UVSSA: variants seen among roughly 807,000 people sequenced by gnomAD.
The protein encoded by UVSSA is UV-stimulated scaffold protein A.
A neutral mutation model predicts 73.9 loss-of-function variants in UVSSA; 72 were observed. The observed-to-expected ratio is 0.97, with a 90% confidence interval of 0.81 to 1.19. The LOEUF is 1.19. Ranked by LOEUF, UVSSA falls within the 50% of genes most tolerant of loss-of-function variation. The pLI, the probability that UVSSA is intolerant of heterozygous loss-of-function variation, is 0.00. For synonymous variants in UVSSA, 454 were observed against 391.3 expected (o/e 1.16, Z -1.89); for missense variants, 1,150 against 965.0 (o/e 1.19, Z -2.54).
chr4:1,372,848 C>T lies in UVSSA; in HGVS notation c.1289-2516C>T, dbSNP rs77553344. 1.7e-4 allele frequency among the ~76,000 whole-genome samples: 9 copies of T among 54,144 alleles called. 1 individual carries two copies. In the South Asian group the frequency reaches 2.1e-3, roughly 12 times the overall value. 35.5% of individuals were successfully genotyped at this position (54,144 alleles called of 152,430 possible). On this transcript the variant is annotated intron_variant, in intron 8 of 13. Coordinates refer to ENST00000389851, the MANE Select transcript of UVSSA (RefSeq NM_020894.4). Reference sequence around the variant, plus strand: ...CACCTCCCGCGTCTCAGGGCACTCACCTCCCGCGTCCCTGCACTCACCTCC... The same window carrying T: ...CACCTCCCGCGTCTCAGGGCACTCATCTCCCGCGTCCCTGCACTCACCTCC...
rs759157977 is a variant in UVSSA at position 1,375,412 on chromosome 4, C to A, written c.1337C>A (p.Thr446Lys). 2.5e-6 allele frequency: 4 copies of A among 1,613,512 alleles called. No individual in the cohort carries two copies. The highest frequency in any genetic ancestry group is 1.7e-5 in the Admixed American group (1 of 60,024). Residue 446 changes from threonine (T) to lysine (K), a missense_variant, in exon 9 of 14, where the codon ACG (threonine) becomes AAG (lysine). Physicochemically the swap from Thr to Lys is moderately conservative, Grantham distance 78. Transcript: ENST00000389851. ...GACACAGTTGTGCGGTGCTTGCGGACGAGGACGAGGATGGACGAGGAGGTG... is the reference window on the plus strand; with the variant it reads ...GACACAGTTGTGCGGTGCTTGCGGAAGAGGACGAGGATGGACGAGGAGGTG... ...EKDTVVRCLR[T>K]RTRMDEEVSD...
At chr4:1,365,673 T>C (rs745391810) in intron 7 of UVSSA, among the ~76,000 whole-genome samples, 1 of 152,242 alleles carries the variant, frequency 6.6e-6, no homozygotes. Flanking sequence ...CCAGAAGTAC[T>C]TGTCCCTTTC....
intron 11 of UVSSA, 38 bp from the exon 12 acceptor site, chr4:1,380,842 C>T (rs768278099): frequency 1.2e-6 from 2 of 1,600,662 alleles, no homozygotes; most frequent in Non-Finnish European, 1.7e-6. Context: ...GCAAGCGGAC[C>T]CCTCCCCGCC....
chr4:1,383,748 CTTGAGTTTTGT>C lies in UVSSA; in HGVS notation c.1862-14_1862-4del. 6.2e-7 allele frequency: 1 copy of C among 1,612,656 alleles called. No homozygotes were observed. Among genetic ancestry groups the C allele is most frequent in the Non-Finnish European group, 8.5e-7 (1 of 1,179,944 alleles). Reference sequence around the variant, plus strand: ...TCAGTGCCAGACGTCTCCTGAAGTGCTTGAGTTTTGTTTGCAGAATGGCAGGACCCTGAGTT... The same window carrying C: ...TCAGTGCCAGACGTCTCCTGAAGTGCTTGCAGAATGGCAGGACCCTGAGTT... On this transcript the variant is annotated splice_region_variant and splice_polypyrimidine_tract_variant and intron_variant, in intron 12 of 13. Coordinates refer to ENST00000389851, the MANE Select transcript of UVSSA (RefSeq NM_020894.4).
intron 10 of UVSSA, among the ~76,000 whole-genome samples, chr4:1,379,799 C>CTTTTGCCTGG (rs1560481645): frequency 1.8e-4 from 7 of 38,118 alleles, no homozygotes; most frequent in South Asian, 7.5e-4. Context: ...TGCCCGTGGT[C>CTTTTGCCTGG]GCGCGGCTGG....
At chr4:1,353,697 G>A (rs1002068916) in intron 5 of UVSSA, among the ~76,000 whole-genome samples, 1 of 152,226 alleles carries the variant, frequency 6.6e-6, no homozygotes, top group Non-Finnish European at 1.5e-5. Context: ...TTGGGGTGAG[G>A]TGGGGTCGTG....
At chr4:1,381,120 G>A (rs543998878) in intron 12 of UVSSA, 132 bp downstream of exon 12, 776 of 837,976 alleles carry the variant, frequency 9.3e-4, no homozygotes, top group Non-Finnish European at 1.2e-3. Flanking sequence ...CAAGCCTCTC[G>A]GTCATAACTG....
chr4:1,390,910 G>A (rs968484375), downstream of UVSSA: 1 of 152,218 alleles, frequency 6.6e-6, no homozygotes, highest in Admixed American at 6.6e-5. Flanking sequence ...ATAGATGCCT[G>A]TTGGGTCTGA....
At chr4:1,376,763 A>G (rs1462554713) in intron 10 of UVSSA, among the ~76,000 whole-genome samples, 5 of 152,218 alleles carry the variant, frequency 3.3e-5, no homozygotes, top group African/African-American at 1.2e-4. Context: ...CGCCTGCCAC[A>G]GCTCGCTGGC....
intron 7 of UVSSA, among the ~76,000 whole-genome samples, chr4:1,357,703 T>C (rs1028880797): frequency 1.9e-5 from 2 of 106,734 alleles, no homozygotes; most frequent in Admixed American, 8.9e-5. Context: ...TCTTCATGAG[T>C]GTTCAGCTCA....
chr4:1,387,347 A>G lies in UVSSA; in HGVS notation c.*1386A>G, dbSNP rs995069905. ...CACCTCGGCCTCCCATAGTGCTGGG[A>G]TTACAGGTGTGAGCCACCGCACTCA... On this transcript the variant is annotated 3_prime_UTR_variant, in exon 14 of 14. Coordinates refer to ENST00000389851, the MANE Select transcript of UVSSA (RefSeq NM_020894.4). 1 of 152,174 alleles carries G rather than the reference A, an allele frequency of 6.6e-6. No individual in the cohort carries two copies. Among genetic ancestry groups the G allele is most frequent in the Non-Finnish European group, 1.5e-5 (1 of 68,050 alleles). 9.4% of individuals were successfully genotyped at this position (152,174 alleles called of 1,614,324 possible). A position where few individuals can be genotyped will look rare whatever the true frequency, so the allele number is the denominator to read the frequency against.
chr4:1,366,736 C>G (rs1483144174), intron 8 of UVSSA, among the ~76,000 whole-genome samples: 1 of 152,194 alleles, frequency 6.6e-6, no homozygotes, highest in African/African-American at 2.4e-5. Context: ...CAGGCAGGCC[C>G]TCAGGTGCCC....
chr4:1,371,335 C>G (rs1718012379), intron 8 of UVSSA, among the ~76,000 whole-genome samples: 1 of 151,616 alleles, frequency 6.6e-6, no homozygotes, highest in Admixed American at 6.6e-5. Flanking sequence ...TCTGAGCTCT[C>G]TGGTGGCCTC....
chr4:1,344,448 G>A (rs1193032393), upstream of UVSSA, among the ~76,000 whole-genome samples: 1 of 152,108 alleles, frequency 6.6e-6, no homozygotes, highest in Non-Finnish European at 1.5e-5. Flanking sequence ...CTATTTGGGA[G>A]GCCAAGACAC....
intron 10 of UVSSA, 24 bp downstream of exon 10, chr4:1,376,192 C>T (rs201921251): frequency 2.8e-5 from 44 of 1,593,000 alleles, no homozygotes; most frequent in Middle Eastern, 1.7e-4. Flanking sequence ...TGTCTGAAGT[C>T]GGCCAGGGCA....
rs1310001070 is a variant in UVSSA at position 1,384,711 on chromosome 4, C to G, written c.2036+771C>G. The G allele has an allele frequency of 2.6e-5, 4 of 152,346 alleles. No homozygotes were observed. In the East Asian group the frequency reaches 7.7e-4, roughly 29 times the overall value. 9.4% of individuals were successfully genotyped at this position (152,346 alleles called of 1,614,324 possible). On this transcript the variant is annotated intron_variant, in intron 13 of 13. Coordinates refer to ENST00000389851, the MANE Select transcript of UVSSA (RefSeq NM_020894.4). The stretch of plus-strand genomic sequence containing the variant: ...GTCTGGTAGCACCAGTGAGGTGGCC[C>G]CCACCCATCGCCATCCCAGAAACCC...
At chr4:1,357,180 G>C (rs1715904445) in intron 7 of UVSSA, among the ~76,000 whole-genome samples, 3 of 148,334 alleles carry the variant, frequency 2.0e-5, no homozygotes, top group Admixed American at 6.6e-5. Context: ...GAGCAGAGCG[G>C]GGCTGATGGG....
chr4:1,352,961 G>A lies in UVSSA; in HGVS notation c.551-69G>A, dbSNP rs999817373. The A allele has an allele frequency of 3.2e-6, 5 of 1,541,226 alleles. No individual in the cohort carries two copies. In the African/African-American group the frequency reaches 5.5e-5, roughly 17 times the overall value. ...CCCTGCGGGGAGTGGGCCTCTGAGT[G>A]TGGTTTTGAGTGGGCTGGTGCTTTT... On this transcript the variant is annotated intron_variant, in intron 4 of 13. Transcript: ENST00000389851.
chr4:1,355,142 G>T lies in UVSSA; in HGVS notation c.1073G>T (p.Gly358Val), dbSNP rs761544597. 8.1e-6 allele frequency: 13 copies of T among 1,613,750 alleles called. No individual in the cohort carries two copies. In the South Asian group the frequency reaches 1.3e-4, roughly 16 times the overall value. Residue 358 changes from glycine to valine, a missense_variant, in exon 7 of 14, where the codon GGT becomes GTT. Gly to Val is a moderately radical substitution (Grantham distance 109). Coordinates refer to ENST00000389851, the MANE Select transcript of UVSSA (RefSeq NM_020894.4). ...IQRFTRVGTH[G>V]GCLKRAIDLK... ...CGCTTCACCCGCGTCGGGACCCACG[G>T]TGGATGTTTAAAGCGTGCCATTGAC...
Sources: allele counts gnomAD v4.1 joint callset (sites outside exome capture counted in the v4.1 genomes callset), GRCh38; gene constraint gnomAD v4.1.1; transcripts MANE v1.5; gene names NCBI Gene and HGNC (gene_info 2026-07-23, HGNC 2026-07-21).